Variants in ZFAND5 observed in about 807,000 individuals in gnomAD.
ZFAND5 encodes zinc finger AN1-type containing 5, also known as AN1-type zinc finger protein 5.
ZFAND5 carries 4 observed loss-of-function variants against 23.6 expected under a neutral mutation model. The ratio of observed to expected loss-of-function variants is 0.17; its 90% confidence interval spans 0.08 to 0.39. ZFAND5 has a LOEUF of 0.39. Among genes scored for constraint, ZFAND5 ranks in the 10% least tolerant of loss-of-function variants. The probability of loss-of-function intolerance (pLI) is 1.00; values close to 1 mark genes in which losing one functional copy is unlikely to be tolerated. For synonymous variants in ZFAND5, 68 were observed against 80.6 expected, an observed-to-expected ratio of 0.84 and a Z score of 0.84; for missense variants, 161 against 253.7, an observed-to-expected ratio of 0.63 and a Z score of 2.48.
At position 72,355,237 on chromosome 9, in the gene ZFAND5, AG is replaced by A. The variant is rs1841909424; in HGVS notation, c.*715del. 11 of 152,668 alleles carry A rather than the reference AG, an allele frequency of 7.2e-5. No individual in the cohort carries two copies. The highest frequency in any genetic ancestry group is 7.2e-4 in the Admixed American group (11 of 15,284). The allele number at this position is 152,668 out of a possible 1,614,324, so 9.5% of individuals were successfully genotyped here. On this transcript the variant is annotated 3_prime_UTR_variant, in exon 7 of 7. Coordinates refer to ENST00000376962, the MANE Select transcript of ZFAND5 (RefSeq NM_001102420.3). ...GTGCAGTTCTGTGCTACACATTTTT[AG>A]CAATGAGTAATGCAGACATCTTCTG...
chr9:72,359,597 A>T (rs1249820108), intron 4 of ZFAND5, 76 bp from the exon 5 acceptor site: 2 of 1,316,400 alleles, frequency 1.5e-6, no homozygotes, highest in Non-Finnish European at 2.1e-6. Context: ...TGTCAGTTCA[A>T]CTTTAAATTA....
chr9:72,359,975 A>AT (rs1345057148), intron 4 of ZFAND5, 135 bp downstream of exon 4: 16 of 657,642 alleles, frequency 2.4e-5, no homozygotes, highest in Non-Finnish European at 3.9e-5. Flanking sequence ...CAATGACTTA[A>AT]GAGTCATGTA....
At chr9:72,363,928 C>A (rs1842179051) in intron 1 of ZFAND5, 1 of 152,866 alleles carries the variant, frequency 6.5e-6, no homozygotes, top group Admixed American at 6.5e-5. Context: ...CCCGAAAACA[C>A]ACCTCCACGG....
chr9:72,363,628 A>G, intron 1 of ZFAND5, 22 bp from the exon 2 acceptor site: 1 of 983,660 alleles, frequency 1.0e-6, no homozygotes, highest in Non-Finnish European at 1.2e-6. Context: ...AAAACAGGAG[A>G]CAACTACAAA....
intron 5 of ZFAND5, among the ~76,000 whole-genome samples, chr9:72,357,337 A>G (rs1241325155): frequency 6.6e-6 from 1 of 152,158 alleles, no homozygotes; most frequent in East Asian, 1.9e-4. Context: ...GCCAGTACTA[A>G]AAACAAAATC....
At chr9:72,356,210 A>C in intron 6 of ZFAND5, 109 bp from the exon 7 acceptor site, 1 of 1,328,272 alleles carries the variant, frequency 7.5e-7, no homozygotes, top group South Asian at 1.5e-5. Context: ...TTGTAACATA[A>C]AAGACAGTGA....
rs376158329 is a variant in ZFAND5 at position 72,359,441 on chromosome 9, G to C, written c.344C>G (p.Pro115Arg). ...SISREDKITT[P>R]KTEVSEPVVT... ...ACCTGGCTCTGACACCTCTGTTTTC[G>C]GGGTAGTTATTTTGTCCTCTCTTGA... is the stretch of plus-strand genomic sequence containing the variant. The change falls in exon 5 of 7, where the codon CCG becomes CGG. Residue 115 changes from proline (P) to arginine (R), a missense_variant. Pro to Arg is a moderately radical substitution (Grantham distance 103). Transcript: ENST00000376962. 5 of 1,613,102 alleles carry C rather than the reference G, an allele frequency of 3.1e-6. No homozygotes were observed. Among genetic ancestry groups the C allele is most frequent in the Non-Finnish European group, 1.7e-6 (2 of 1,179,564 alleles).
intron 4 of ZFAND5, 63 bp from the exon 5 acceptor site, chr9:72,359,584 A>AGTT: frequency 7.1e-7 from 1 of 1,408,248 alleles, no homozygotes; most frequent in Non-Finnish European, 9.8e-7. Context: ...ACAATGAATA[A>AGTT]GTTGTCAGTT....
At chr9:72,364,573 G>C (rs925606866) in intron 1 of ZFAND5, 123 bp downstream of exon 1, 1 of 1,257,206 alleles carries the variant, frequency 8.0e-7, no homozygotes, top group Non-Finnish European at 1.0e-6. Context: ...CCCTCCCCCG[G>C]ACGCCGCCAT....
intron 3 of ZFAND5, 129 bp downstream of exon 3, chr9:72,360,499 G>A (rs1428711459): frequency 7.2e-6 from 9 of 1,243,718 alleles, no homozygotes; most frequent in Non-Finnish European, 1.0e-5. Flanking sequence ...CACTTGGGCT[G>A]TTGCTTGAAT....
At position 72,364,969 on chromosome 9, in the gene ZFAND5, G is replaced by A. The variant is rs3818301; in HGVS notation, c.-420C>T. 151 of 152,700 alleles carry A rather than the reference G, an allele frequency of 9.9e-4. No individual in the cohort carries two copies. Among genetic ancestry groups the A allele is most frequent in the East Asian group, 1.9e-3 (10 of 5,158 alleles). 9.5% of individuals were successfully genotyped at this position (152,700 alleles called of 1,614,324 possible). ...CGAGGAGGAGGTGGAGGGAGGACCG[G>A]CGGCCGCAGCGGCTAACGCTGCTCG... is the stretch of plus-strand genomic sequence containing the variant. On this transcript the variant is annotated 5_prime_UTR_variant, in exon 1 of 7. Transcript: ENST00000376962.
intron 5 of ZFAND5, among the ~76,000 whole-genome samples, chr9:72,358,205 T>C (rs1841999040): frequency 6.6e-6 from 1 of 152,126 alleles, no homozygotes; most frequent in South Asian, 2.1e-4. Flanking sequence ...AATAGCCTAA[T>C]ATTAGACTAA....
chr9:72,359,387 G>T, intron 5 of ZFAND5, 31 bp downstream of exon 5: 1 of 1,604,748 alleles, frequency 6.2e-7, no homozygotes, highest in Non-Finnish European at 8.5e-7. Context: ...ATCAAATTCA[G>T]AACTGAACAA....
chr9:72,359,202 G>A (rs1411924120), intron 5 of ZFAND5, among the ~76,000 whole-genome samples: 1 of 152,098 alleles, frequency 6.6e-6, no homozygotes, highest in Non-Finnish European at 1.5e-5. Flanking sequence ...TAGTGCAGGG[G>A]ATGAGCAGAG....
chr9:72,361,354 G>GC (rs5898255), intron 2 of ZFAND5, among the ~76,000 whole-genome samples: 78,955 of 151,926 alleles, frequency 0.52, 20,533 homozygotes, highest in African/African-American at 0.57. Context: ...AGAACTGGTA[G>GC]CCCTTCCTGC....
Position 72,360,716 on chromosome 9 carries a change from A to G in ZFAND5, c.63T>C (p.Tyr21=), listed in dbSNP as rs373006916. 1.1e-5 allele frequency: 17 copies of G among 1,613,980 alleles called. No individual in the cohort carries two copies. Among genetic ancestry groups the G allele is most frequent in the Non-Finnish European group, 1.4e-5 (16 of 1,179,962 alleles). Residue 21 remains tyrosine (Y), a synonymous_variant, in exon 3 of 7, where the codon TAT becomes TAC. Coordinates refer to ENST00000376962, the MANE Select transcript of ZFAND5 (RefSeq NM_001102420.3). ...ACATTCCATTTGTCCTAGGATTTCC[A>G]TAAAAGCCACATCCTGTGCTACACA... ...PMLCSTGCGF[Y]GNPRTNGMCS...
At position 72,360,215 on chromosome 9, in the gene ZFAND5, G is replaced by A. The variant is rs1292267339; in HGVS notation, c.158C>T (p.Ala53Val). The change falls in exon 4 of 7, where the codon GCT becomes GTT. Residue 53 changes from alanine (A) to valine (V), a missense_variant. Ala to Val is a moderately conservative substitution (Grantham distance 64). Around this residue, in one of 3 missense-constraint regions of ZFAND5, gnomAD observed 116 missense variants for 115.2 expected, o/e 1.01. Transcript: ENST00000376962. ...TGAGGTAGGACTGTTGGAACCACTA[G>A]CTGTTCCTATTTAAAAAAAGGATTT... is the stretch of plus-strand genomic sequence containing the variant. ...NSGRMSPMGTASGSNSPTSDS... is the reference protein window; with the variant it reads ...NSGRMSPMGTVSGSNSPTSDS... The A allele has an allele frequency of 4.3e-6, 7 of 1,610,444 alleles. No homozygotes were observed. Among genetic ancestry groups the A allele is most frequent in the Non-Finnish European group, 1.7e-6 (2 of 1,178,496 alleles).
chr9:72,359,351 TCCC>T, intron 5 of ZFAND5, 64 bp downstream of exon 5: 1 of 1,503,604 alleles, frequency 6.7e-7, no homozygotes. Context: ...AAGGAAAGAA[TCCC>T]CCCACCAGCC....
rs1257750633 is a variant in ZFAND5 at position 72,354,118 on chromosome 9, CTT to C, written c.*1833_*1834del. On this transcript the variant is annotated 3_prime_UTR_variant, in exon 7 of 7. Transcript: ENST00000376962. ...CCCAAAACAGAAATAAAACAGAACT[CTT>C]TTTGTAAACTAAGTCATACCTACTT... 2.0e-5 allele frequency: 3 copies of C among 152,164 alleles called. No individual in the cohort carries two copies. The highest frequency in any genetic ancestry group is 1.3e-4 in the Admixed American group (2 of 15,264). 9.4% of individuals were successfully genotyped at this position (152,164 alleles called of 1,614,324 possible). A position where few individuals can be genotyped will look rare whatever the true frequency, so the allele number is the denominator to read the frequency against.
Sources: allele counts gnomAD v4.1 joint callset (sites outside exome capture counted in the v4.1 genomes callset), GRCh38; gene constraint gnomAD v4.1.1; regional missense constraint gnomAD v4.1.1; transcripts MANE v1.5; gene names NCBI Gene and HGNC (gene_info 2026-07-23, HGNC 2026-07-21).